POC1A: variants seen among roughly 807,000 people sequenced by gnomAD.
POC1A encodes POC1 centriolar protein homolog A.
In POC1A, 34 loss-of-function variants were observed where a neutral mutation model predicts 47.8. That is an observed-to-expected ratio of 0.71 (90% CI 0.54 to 0.95). POC1A has a LOEUF of 0.95. POC1A is among the 40% of genes least tolerant of loss of function. POC1A has a pLI of 0.00. For synonymous variants in POC1A, 177 were observed against 207.6 expected (o/e 0.85, Z 1.27); for missense variants, 466 against 528.3 (o/e 0.88, Z 1.16).
intron 9 of POC1A, among the ~76,000 whole-genome samples, chr3:52,114,422 T>C (rs1039669745): frequency 6.6e-6 from 1 of 152,172 alleles, no homozygotes; most frequent in Non-Finnish European, 1.5e-5. Context: ...TGTGGGAATG[T>C]AGACACCAGG....
chr3:52,125,015 C>A, intron 8 of POC1A, 98 bp downstream of exon 8: 2 of 955,178 alleles, frequency 2.1e-6, no homozygotes, highest in South Asian at 1.5e-5. Flanking sequence ...AGGAAGCTGG[C>A]GAAACCCAGC....
chr3:52,099,064 C>T (rs1408166624), intron 9 of POC1A, among the ~76,000 whole-genome samples: 2 of 152,202 alleles, frequency 1.3e-5, no homozygotes, highest in Non-Finnish European at 2.9e-5. Flanking sequence ...AGTTCCTCTC[C>T]AACGTCCCCA....
intron 9 of POC1A, among the ~76,000 whole-genome samples, chr3:52,102,150 G>C (rs996242802): frequency 1.3e-5 from 2 of 151,990 alleles, no homozygotes; most frequent in African/African-American, 4.8e-5. Context: ...GAGCTTCTTG[G>C]AACTATGGTT....
chr3:52,145,924 A>G lies in POC1A; in HGVS notation c.601T>C (p.Cys201Arg), dbSNP rs1698348475. 1.2e-6 allele frequency: 2 copies of G among 1,613,752 alleles called. No homozygotes were observed. The highest frequency in any genetic ancestry group is 1.7e-5 in the Admixed American group (1 of 60,004). Residue 201 changes from cysteine (C) to arginine (R), a missense_variant, in exon 6 of 11, where the codon TGC becomes CGC. Coordinates refer to ENST00000296484, the MANE Select transcript of POC1A (RefSeq NM_015426.5). ...TYVDFHPSGTCIAAAGMDNTV... is the reference protein window; with the variant it reads ...TYVDFHPSGTRIAAAGMDNTV... ...TTGTCCATGCCGGCAGCGGCAATGCACGTCCCACTGGGGTGGAAGTCCACA... is the reference window on the plus strand; with the variant it reads ...TTGTCCATGCCGGCAGCGGCAATGCGCGTCCCACTGGGGTGGAAGTCCACA...
chr3:52,117,373 GA>G (rs1559830632), intron 9 of POC1A, among the ~76,000 whole-genome samples: 2 of 152,160 alleles, frequency 1.3e-5, no homozygotes, highest in African/African-American at 2.4e-5. Context: ...GCTAAAGCTT[GA>G]TGAGCACTTG....
intron 9 of POC1A, among the ~76,000 whole-genome samples, chr3:52,104,047 A>G (rs541010165): frequency 2.6e-4 from 39 of 152,378 alleles, no homozygotes; most frequent in African/African-American, 8.7e-4. Context: ...ATGAACGTTC[A>G]TGGCAGCTTT....
intron 5 of POC1A, 141 bp from the exon 6 acceptor site, chr3:52,146,102 G>A: frequency 1.6e-6 from 1 of 611,154 alleles, no homozygotes; most frequent in Non-Finnish European, 3.0e-6. Flanking sequence ...TGTCACACTT[G>A]TTTACCAGGT....
chr3:52,118,015 G>T (rs1200982845), intron 9 of POC1A, among the ~76,000 whole-genome samples: 1 of 152,138 alleles, frequency 6.6e-6, no homozygotes, highest in African/African-American at 2.4e-5. Context: ...GAATAGAGGG[G>T]CCAGGGCTGT....
At chr3:52,116,187 G>C (rs1408879558) in intron 9 of POC1A, among the ~76,000 whole-genome samples, 1 of 152,146 alleles carries the variant, frequency 6.6e-6, no homozygotes, top group African/African-American at 2.4e-5. Context: ...GGAAGATCTA[G>C]TGCCAAGAAT....
intron 10 of POC1A, among the ~76,000 whole-genome samples, chr3:52,095,337 G>T (rs1702775060): frequency 6.6e-6 from 1 of 152,160 alleles, no homozygotes; most frequent in Admixed American, 6.5e-5. Context: ...TTCTTCAGTG[G>T]GCCCAAGGTG....
chr3:52,086,117 C>T (rs1005679348), intron 10 of POC1A, among the ~76,000 whole-genome samples: 11 of 152,174 alleles, frequency 7.2e-5, no homozygotes, highest in African/African-American at 2.7e-4. Context: ...CATGATGTCT[C>T]CCTGGTGGGA....
At chr3:52,109,356 AAATGAGATTAGCAG>A in intron 9 of POC1A, among the ~76,000 whole-genome samples, 1 of 152,332 alleles carries the variant, frequency 6.6e-6, no homozygotes, top group East Asian at 1.9e-4. Flanking sequence ...GAAACAGATG[AAATGAGATTAGCAG>A]AATGTTGAAG....
intron 6 of POC1A, among the ~76,000 whole-genome samples, chr3:52,140,652 A>T (rs1698161912): frequency 6.6e-6 from 1 of 152,182 alleles, no homozygotes. Flanking sequence ...AAACACCTAG[A>T]ACCATTTACT....
At chr3:52,093,173 G>A (rs1344360476) in intron 10 of POC1A, among the ~76,000 whole-genome samples, 8 of 152,198 alleles carry the variant, frequency 5.3e-5, no homozygotes, top group African/African-American at 1.4e-4. Context: ...GCCTTGACCC[G>A]GTGTCTGGAC....
At chr3:52,139,577 G>C (rs1305578617) in intron 6 of POC1A, among the ~76,000 whole-genome samples, 3 of 152,136 alleles carry the variant, frequency 2.0e-5, no homozygotes, top group Non-Finnish European at 2.9e-5. Context: ...CTCCCAATTA[G>C]GGCCACCCCC....
Position 52,090,074 on chromosome 3 carries a change from G to A in POC1A, c.1125+6495C>T, listed in dbSNP as rs1306260253. 3.3e-5 allele frequency among the ~76,000 whole-genome samples: 5 copies of A among 152,160 alleles called. No homozygotes were observed. The highest frequency in any genetic ancestry group is 5.9e-5 in the Non-Finnish European group (4 of 68,038). On this transcript the variant is annotated intron_variant, in intron 10 of 10. Transcript: ENST00000296484. The surrounding 1 kb of genome is among the most constrained non-coding windows in gnomAD (Gnocchi z 4.2). The stretch of plus-strand genomic sequence containing the variant: ...CCTTGTTGAGTTAGGACAGCAAAAC[G>A]CAATGACTTGAACACTTAACAAAAT...
chr3:52,099,010 C>A lies in POC1A; in HGVS notation c.982-2298G>T, dbSNP rs1382783346. On this transcript the variant is annotated intron_variant, in intron 9 of 10. Coordinates refer to ENST00000296484, the MANE Select transcript of POC1A (RefSeq NM_015426.5). ...CAGGCTCTTCCCGGACATGAGACAG[C>A]CTCTGGCAGGTGACATTGACTGCAG... 2.0e-5 allele frequency among the ~76,000 whole-genome samples: 3 copies of A among 152,218 alleles called. No individual in the cohort carries two copies. The East Asian group carries it at 5.8e-4, about 29-fold the overall frequency.
intron 7 of POC1A, among the ~76,000 whole-genome samples, chr3:52,134,555 C>G (rs1027687611): frequency 1.3e-5 from 2 of 152,170 alleles, no homozygotes; most frequent in African/African-American, 4.8e-5. Flanking sequence ...TCGCTTGAAC[C>G]CAGGAGATGG....
chr3:52,131,769 G>A (rs1704222288), intron 7 of POC1A, among the ~76,000 whole-genome samples: 1 of 152,196 alleles, frequency 6.6e-6, no homozygotes. Flanking sequence ...AAAGCAAAAT[G>A]TTCTGGGGGA....
Sources: allele counts gnomAD v4.1 joint callset (sites outside exome capture counted in the v4.1 genomes callset), GRCh38; gene constraint gnomAD v4.1.1; non-coding constraint Gnocchi (gnomAD v3.1); transcripts MANE v1.5; gene names NCBI Gene and HGNC (gene_info 2026-07-23, HGNC 2026-07-21).